The following FAM13A variants were observed in gnomAD, a reference collection of about 807,000 sequenced individuals.
FAM13A encodes the protein protein FAM13A.
Under a neutral mutation model 129.6 loss-of-function variants are expected in FAM13A, and 76 were observed. That is an observed-to-expected ratio of 0.59 (90% CI 0.49 to 0.71). The LOEUF (loss-of-function observed/expected upper bound fraction) is 0.71. FAM13A is among the 30% of genes least tolerant of loss of function. The pLI, the probability that FAM13A is intolerant of heterozygous loss-of-function variation, is 0.00. For missense variants in FAM13A, 1,108 were observed against 1,249.3 expected, an observed-to-expected ratio of 0.89 and a Z score of 1.70; for synonymous variants, 443 against 449.9, an observed-to-expected ratio of 0.98 and a Z score of 0.20.
chr4:88,977,862 T>C (rs1560622477), intron 4 of FAM13A, among the ~76,000 whole-genome samples: 1 of 152,152 alleles, frequency 6.6e-6, no homozygotes, highest in Non-Finnish European at 1.5e-5. Context: ...CATATAAAGT[T>C]ATAAAACATC....
chr4:88,799,891 T>C (rs1005199070), intron 8 of FAM13A, among the ~76,000 whole-genome samples: 7 of 152,162 alleles, frequency 4.6e-5, no homozygotes, highest in Non-Finnish European at 8.8e-5. Context: ...GCCCAAAAGA[T>C]GGAAGCAACC....
chr4:88,728,777 G>C (rs1323048337), intron 23 of FAM13A, 118 bp from the exon 24 acceptor site: 11 of 1,161,110 alleles, frequency 9.5e-6, no homozygotes, highest in Non-Finnish European at 1.4e-5. Flanking sequence ...TGTAGAATCA[G>C]TGTTGCCGAG....
chr4:89,000,627 T>A (rs990295348), intron 3 of FAM13A, among the ~76,000 whole-genome samples: 1 of 152,160 alleles, frequency 6.6e-6, no homozygotes, highest in African/African-American at 2.4e-5. Context: ...ACTTTGTGAA[T>A]AGATCAAAAA....
chr4:88,825,108 A>G (rs1040273366), intron 7 of FAM13A, among the ~76,000 whole-genome samples: 1 of 152,226 alleles, frequency 6.6e-6, no homozygotes, highest in African/African-American at 2.4e-5. Flanking sequence ...TTACATGGAA[A>G]GGTAGTGGCA....
At chr4:88,835,794 T>C (rs1427513908) in intron 7 of FAM13A, among the ~76,000 whole-genome samples, 1 of 152,052 alleles carries the variant, frequency 6.6e-6, no homozygotes, top group Non-Finnish European at 1.5e-5. Flanking sequence ...GCAGTAGTGC[T>C]AGTGATGGGG....
intron 23 of FAM13A, among the ~76,000 whole-genome samples, chr4:88,730,279 G>A (rs544590327): frequency 6.6e-6 from 1 of 152,318 alleles, no homozygotes; most frequent in South Asian, 2.1e-4. Flanking sequence ...GGCTCCTACT[G>A]TGACTTTCGG....
At chr4:88,872,957 A>G (rs1341811676) in intron 6 of FAM13A, among the ~76,000 whole-genome samples, 1 of 152,240 alleles carries the variant, frequency 6.6e-6, no homozygotes, top group Non-Finnish European at 1.5e-5. Context: ...CCACAGTGCA[A>G]TCAAATTAGA....
At chr4:88,986,290 C>T (rs1762236745) in intron 4 of FAM13A, among the ~76,000 whole-genome samples, 1 of 152,164 alleles carries the variant, frequency 6.6e-6, no homozygotes, top group Non-Finnish European at 1.5e-5. Flanking sequence ...TCTGCCACCA[C>T]ACCTGGCTAA....
chr4:89,056,986 G>A lies in FAM13A; in HGVS notation c.-22C>T. 6.3e-7 allele frequency: 1 copy of A among 1,599,744 alleles called. No individual in the cohort carries two copies. On this transcript the variant is annotated 5_prime_UTR_variant, in exon 1 of 24. Transcript: ENST00000264344. Reference sequence around the variant, plus strand: ...CCATTCTCTCAGAAAGCGTCTGGAAGAACTGAGGAAGACCAGACGAAAATA... The same window carrying A: ...CCATTCTCTCAGAAAGCGTCTGGAAAAACTGAGGAAGACCAGACGAAAATA...
intron 11 of FAM13A, among the ~76,000 whole-genome samples, chr4:88,775,572 T>G (rs1403777809): frequency 6.6e-6 from 1 of 152,054 alleles, no homozygotes; most frequent in Non-Finnish European, 1.5e-5. Flanking sequence ...CTGGGTGTGG[T>G]GGCACATGCC....
intron 4 of FAM13A, among the ~76,000 whole-genome samples, chr4:88,942,469 A>C (rs1754935542): frequency 6.6e-6 from 1 of 152,158 alleles, no homozygotes; most frequent in African/African-American, 2.4e-5. Context: ...TGGGAGGCTG[A>C]GGGACGAGGA....
chr4:88,988,705 G>C (rs1472229568), intron 4 of FAM13A, among the ~76,000 whole-genome samples: 1 of 151,876 alleles, frequency 6.6e-6, no homozygotes. Flanking sequence ...GAAAATAGGA[G>C]TTAATGAAAC....
chr4:88,800,991 T>C (rs921883395), intron 8 of FAM13A, among the ~76,000 whole-genome samples: 1 of 151,990 alleles, frequency 6.6e-6, no homozygotes, highest in Non-Finnish European at 1.5e-5. Context: ...ACATACAATA[T>C]GCTTCTTAAG....
At chr4:88,940,468 C>G (rs1417363391) in intron 4 of FAM13A, among the ~76,000 whole-genome samples, 1 of 152,086 alleles carries the variant, frequency 6.6e-6, no homozygotes, top group Non-Finnish European at 1.5e-5. Context: ...TTTCTTCTTA[C>G]CACTTACAGT....
intron 7 of FAM13A, among the ~76,000 whole-genome samples, chr4:88,806,144 G>A (rs1728511896): frequency 6.6e-6 from 1 of 151,878 alleles, no homozygotes; most frequent in South Asian, 2.1e-4. Context: ...TTGCTTTTCA[G>A]TGGCCACTCC....
Position 88,962,970 on chromosome 4 carries a change from A to G in FAM13A, c.606-24729T>C, listed in dbSNP as rs1410323407. On this transcript the variant is annotated intron_variant, in intron 4 of 23. Coordinates refer to ENST00000264344, the MANE Select transcript of FAM13A (RefSeq NM_014883.4). The stretch of plus-strand genomic sequence containing the variant: ...GTATGAATATTTCCTATATGTAAAA[A>G]TGCATTTTAATTTCTGTGTAGAGAT... Among the ~76,000 whole-genome samples the G allele has an allele frequency of 2.0e-5, 3 of 152,178 alleles. No homozygotes were observed. The East Asian group carries it at 5.8e-4, about 29-fold the overall frequency.
At chr4:88,742,346 C>A (rs1009895557) in intron 19 of FAM13A, among the ~76,000 whole-genome samples, 15 of 152,314 alleles carry the variant, frequency 9.8e-5, no homozygotes, top group African/African-American at 3.6e-4. Flanking sequence ...AGATTTTCTA[C>A]AAATTGCTCA....
At chr4:88,876,947 C>T (rs1008086950) in intron 6 of FAM13A, among the ~76,000 whole-genome samples, 3 of 152,134 alleles carry the variant, frequency 2.0e-5, no homozygotes, top group African/African-American at 7.2e-5. Context: ...AATTAATTCA[C>T]ATAGCTACTT....
In FAM13A at chr4:89,044,093, A is replaced by G. The variant is rs1295580347; in HGVS notation, c.27+12845T>C. Among the ~76,000 whole-genome samples, 7 of 149,778 alleles carry G rather than the reference A, an allele frequency of 4.7e-5. No individual in the cohort carries two copies. The Admixed American group carries it at 4.7e-4, about 10-fold the overall frequency. On this transcript the variant is annotated intron_variant, in intron 1 of 23. Transcript: ENST00000264344. The stretch of plus-strand genomic sequence containing the variant: ...AGCCTTGGCAACAAAGTGAGACCAT[A>G]TCAAAAAAAAAGACACTAACAACAG...
Sources: allele counts gnomAD v4.1 joint callset (sites outside exome capture counted in the v4.1 genomes callset), GRCh38; gene constraint gnomAD v4.1.1; transcripts MANE v1.5; gene names NCBI Gene and HGNC (gene_info 2026-07-23, HGNC 2026-07-21).